Variants in TCF12 observed in about 807,000 individuals in gnomAD.
TCF12 encodes DNA-binding protein HTF4.
In TCF12, 45 loss-of-function variants were observed where a neutral mutation model predicts 86.0. The observed-to-expected ratio is 0.52, with a 90% CI of 0.41 to 0.67. The LOEUF (loss-of-function observed/expected upper bound fraction) is 0.67. Ranked by LOEUF, TCF12 falls within the 30% of genes least tolerant of loss-of-function variation. The pLI is 0.00. For missense variants in TCF12, 881 were observed against 859.9 expected (o/e 1.02, Z -0.31); for synonymous variants, 330 against 299.6 (o/e 1.10, Z -1.05).
At chr15:57,022,725 A>G (rs183644181) in intron 3 of TCF12, among the ~76,000 whole-genome samples, 106 of 152,292 alleles carry the variant, frequency 7.0e-4, no homozygotes, top group African/African-American at 2.5e-3. Context: ...CCTCTCCAGC[A>G]TCTGTTGTTT....
At chr15:57,180,884 G>A (rs997501825) in intron 6 of TCF12, among the ~76,000 whole-genome samples, 13 of 129,042 alleles carry the variant, frequency 1.0e-4, no homozygotes, top group Admixed American at 9.9e-4. Flanking sequence ...GTGTGATCTC[G>A]GCTCACTGCA....
intron 3 of TCF12, among the ~76,000 whole-genome samples, chr15:57,018,905 CCT>C (rs1449086469): frequency 6.6e-6 from 1 of 152,040 alleles, no homozygotes; most frequent in African/African-American, 2.4e-5. Context: ...TAAGGAAGAC[CCT>C]CTGATTCTGT....
chr15:57,200,784 C>A (rs1474538453), intron 8 of TCF12, among the ~76,000 whole-genome samples: 1 of 152,120 alleles, frequency 6.6e-6, no homozygotes, highest in East Asian at 1.9e-4. Flanking sequence ...CTTCTCTGTT[C>A]CTCTCTGCAG....
chr15:56,963,756 T>C (rs2061879997), intron 3 of TCF12, among the ~76,000 whole-genome samples: 1 of 152,228 alleles, frequency 6.6e-6, no homozygotes, highest in Admixed American at 6.5e-5. Flanking sequence ...TCAAATACTA[T>C]TTGATACCCT....
rs1567505533 is a variant in TCF12, at chr15:57,141,976, G to GT, written c.326-24423dup. On this transcript the variant is annotated intron_variant, in intron 5 of 20. Transcript: ENST00000333725. ...CACAAACGGGAGGAATAGTTTGGGT[G>GT]TTTAACAGCTCAAGGGAGAAACGAT... Among the ~76,000 whole-genome samples, 3 of 152,274 alleles carry GT rather than the reference G, an allele frequency of 2.0e-5. No individual in the cohort carries two copies. The South Asian group carries it at 6.2e-4, about 32-fold the overall frequency.
chr15:57,263,075 C>T (rs370501839), intron 17 of TCF12, 37 bp from the exon 18 acceptor site: 40 of 1,574,278 alleles, frequency 2.5e-5, no homozygotes, highest in African/African-American at 8.3e-5. Context: ...ATATGAGTCT[C>T]GTCTTTTATT....
intron 12 of TCF12, among the ~76,000 whole-genome samples, chr15:57,236,544 T>C (rs2059388200): frequency 6.6e-6 from 1 of 152,212 alleles, no homozygotes; most frequent in Admixed American, 6.5e-5. Context: ...GCTATTGTCA[T>C]TAAAAATTAA....
chr15:57,077,379 ATATT>A lies in TCF12; in HGVS notation c.222+13558_222+13561del, dbSNP rs1283702792. Among the ~76,000 whole-genome samples, 154 of 48,676 alleles carry A rather than the reference ATATT, an allele frequency of 3.2e-3. 3 individuals are homozygous for A. The highest frequency in any genetic ancestry group is 0.012 in the African/African-American group (144 of 11,644). The allele number at this position is 48,676 out of a possible 152,430, so 31.9% of individuals were successfully genotyped here. A position where few individuals can be genotyped will look rare whatever the true frequency, so the allele number is the denominator to read the frequency against. ...TGTGTGTGTGTGTGTGTGTGTATATATATTTTTTTTTTTTTGGCAAGGCTTTGCT... is the reference window on the plus strand; with the variant it reads ...TGTGTGTGTGTGTGTGTGTGTATATATTTTTTTTTTTGGCAAGGCTTTGCT... On this transcript the variant is annotated intron_variant, in intron 4 of 20. Transcript: ENST00000333725.
intron 12 of TCF12, among the ~76,000 whole-genome samples, chr15:57,242,006 T>A (rs1463344957): frequency 1.3e-5 from 2 of 151,510 alleles, no homozygotes; most frequent in African/African-American, 4.9e-5. Context: ...AAAAAAAAAA[T>A]GAAATTCGTA....
intron 19 of TCF12, chr15:57,281,913 C>T (rs1395487674): frequency 1.2e-5 from 2 of 170,512 alleles, no homozygotes; most frequent in Non-Finnish European, 2.5e-5. Flanking sequence ...CCCCCAGCCC[C>T]CCGCACCCAG....
At chr15:57,067,268 C>T (rs1321784708) in intron 4 of TCF12, among the ~76,000 whole-genome samples, 4 of 152,046 alleles carry the variant, frequency 2.6e-5, no homozygotes, top group African/African-American at 7.2e-5. Context: ...AGGCCGGGCG[C>T]GGTGGCTCAC....
At chr15:56,965,251 T>TC (rs200645670) in intron 3 of TCF12, among the ~76,000 whole-genome samples, 6 of 152,206 alleles carry the variant, frequency 3.9e-5, no homozygotes, top group African/African-American at 1.4e-4. Context: ...TATTTTTTTT[T>TC]CCCAAGAAGT....
chr15:57,093,259 T>C (rs771615570), intron 5 of TCF12, among the ~76,000 whole-genome samples: 1 of 152,220 alleles, frequency 6.6e-6, no homozygotes, highest in African/African-American at 2.4e-5. Flanking sequence ...TCAATTGAGC[T>C]TGCCATCAAA....
intron 5 of TCF12, among the ~76,000 whole-genome samples, chr15:57,145,761 G>A (rs1299635431): frequency 6.6e-6 from 1 of 152,148 alleles, no homozygotes; most frequent in Non-Finnish European, 1.5e-5. Flanking sequence ...GAATCCACCT[G>A]ATCTCTAAAA....
chr15:57,269,556 A>G (rs1490491364), intron 18 of TCF12, among the ~76,000 whole-genome samples: 3 of 151,834 alleles, frequency 2.0e-5, no homozygotes, highest in Non-Finnish European at 1.5e-5. Flanking sequence ...GCTCATTTAC[A>G]TTTAAGGTTA....
At chr15:57,059,145 T>C (rs1180873051) in intron 3 of TCF12, among the ~76,000 whole-genome samples, 1 of 152,214 alleles carries the variant, frequency 6.6e-6, no homozygotes, top group Non-Finnish European at 1.5e-5. Flanking sequence ...AGATTTGATA[T>C]TTTTGGAGTA....
intron 19 of TCF12, among the ~76,000 whole-genome samples, chr15:57,280,467 A>C (rs1181037442): frequency 6.6e-6 from 1 of 152,214 alleles, no homozygotes; most frequent in Non-Finnish European, 1.5e-5. Flanking sequence ...ACTGATAGTC[A>C]GGAGTCAGCT....
At chr15:56,961,635 T>C (rs1425738938) in intron 3 of TCF12, among the ~76,000 whole-genome samples, 1 of 152,218 alleles carries the variant, frequency 6.6e-6, no homozygotes, top group African/African-American at 2.4e-5. Flanking sequence ...TTCCTCATGT[T>C]TCAAACTGCT....
intron 3 of TCF12, among the ~76,000 whole-genome samples, chr15:56,941,245 A>G (rs182621520): frequency 6.6e-6 from 1 of 151,984 alleles, no homozygotes; most frequent in Admixed American, 6.6e-5. Flanking sequence ...ATGTACTTGT[A>G]GTCCCAGCTA....
Sources: allele counts gnomAD v4.1 joint callset (sites outside exome capture counted in the v4.1 genomes callset), GRCh38; gene constraint gnomAD v4.1.1; transcripts MANE v1.5; gene names NCBI Gene and HGNC (gene_info 2026-07-23, HGNC 2026-07-21).